PBX1: variants seen among roughly 807,000 people sequenced by gnomAD.
PBX1 encodes pre-B-cell leukemia transcription factor 1.
PBX1 carries 6 observed loss-of-function variants against 53.4 expected under a neutral mutation model. That is an observed-to-expected ratio of 0.11 (90% CI 0.06 to 0.22). The LOEUF (loss-of-function observed/expected upper bound fraction) is 0.22, where lower values mean the gene tolerates loss of function less well. PBX1 is among the 10% of genes least tolerant of loss of function. The pLI is 1.00. For synonymous variants in PBX1, 204 were observed against 212.3 expected, an observed-to-expected ratio of 0.96 and a Z score of 0.34; for missense variants, 251 against 551.4, an observed-to-expected ratio of 0.46 and a Z score of 5.46.
chr1:164,823,784 AT>A (rs546034359), intron 8 of PBX1, among the ~76,000 whole-genome samples: 5 of 151,702 alleles, frequency 3.3e-5, no homozygotes, highest in East Asian at 1.9e-4. Context: ...CTTTGCATTA[AT>A]TTTTTTTTCC....
intron 6 of PBX1, chr1:164,819,748 G>C (rs901997749): frequency 4.9e-6 from 1 of 204,560 alleles, no homozygotes; most frequent in African/African-American, 2.3e-5. Flanking sequence ...GCATAGAAGA[G>C]AGATCCTAGG....
chr1:164,883,190 G>A (rs1672702422), intron 2 of PBX1, among the ~76,000 whole-genome samples: 1 of 152,104 alleles, frequency 6.6e-6, no homozygotes, highest in Non-Finnish European at 1.5e-5. Context: ...GAAAGTTGAG[G>A]CCATCAGTGT....
intron 2 of PBX1, among the ~76,000 whole-genome samples, chr1:164,868,748 C>T (rs11804230): frequency 0.016 from 2,429 of 152,248 alleles, 27 homozygotes; most frequent in Non-Finnish European, 0.022. Flanking sequence ...TAGCAGTCTG[C>T]GAGCCTGGCA....
chr1:164,873,603 G>C (rs530257310), intron 2 of PBX1, among the ~76,000 whole-genome samples: 2 of 152,286 alleles, frequency 1.3e-5, no homozygotes, highest in South Asian at 2.1e-4. Flanking sequence ...TGGGAGATGG[G>C]GGGCAGGGGT....
intron 8 of PBX1, among the ~76,000 whole-genome samples, chr1:164,831,703 C>T (rs972106088): frequency 2.0e-5 from 3 of 152,126 alleles, no homozygotes; most frequent in Non-Finnish European, 4.4e-5. Context: ...ATATAAATTT[C>T]CTACCCTTTG....
At chr1:164,731,984 A>G (rs1404377225) in intron 2 of PBX1, among the ~76,000 whole-genome samples, 1 of 152,144 alleles carries the variant, frequency 6.6e-6, no homozygotes, top group African/African-American at 2.4e-5. Context: ...ACTACCAGGC[A>G]CTTTCCTACA....
In PBX1 at chr1:164,792,627, G is replaced by A. The variant is rs1558010796; in HGVS notation, c.399G>A (p.Ala133=). The change falls in exon 3 of 9, where the codon GCG becomes GCA. Residue 133 remains alanine (A), a synonymous_variant. Transcript: ENST00000420696. ...GGTCGGCGGCAGCGGCGGCAGCGGC[G>A]GCGGCTTCTGGAGGGGCAGGTTCAG... ...GGGSAAAAAA[A]AASGGAGSDN... 3.1e-6 allele frequency: 5 copies of A among 1,613,728 alleles called. No homozygotes were observed. The South Asian group carries it at 3.3e-5, about 11-fold the overall frequency.
At chr1:164,765,430 C>G (rs1667013910) in intron 2 of PBX1, among the ~76,000 whole-genome samples, 1 of 152,158 alleles carries the variant, frequency 6.6e-6, no homozygotes, top group Admixed American at 6.5e-5. Context: ...TTGGCTTCAT[C>G]AATGAAGATG....
intron 4 of PBX1, among the ~76,000 whole-genome samples, chr1:164,807,025 G>A (rs1168090022): frequency 6.6e-6 from 1 of 152,186 alleles, no homozygotes; most frequent in African/African-American, 2.4e-5. Context: ...TTGGGAGGCT[G>A]AGGCAGGCAG....
At chr1:164,585,820 T>C (rs777135111) in intron 2 of PBX1, among the ~76,000 whole-genome samples, 1 of 152,248 alleles carries the variant, frequency 6.6e-6, no homozygotes, top group Non-Finnish European at 1.5e-5. Context: ...AAACTTTTTC[T>C]TTACATCCAA....
chr1:164,681,883 C>T (rs113464985), intron 2 of PBX1, among the ~76,000 whole-genome samples: 43 of 152,154 alleles, frequency 2.8e-4, no homozygotes, highest in Non-Finnish European at 5.6e-4. Flanking sequence ...TATTTGGTCC[C>T]GGGAACTCAA....
intron 2 of PBX1, among the ~76,000 whole-genome samples, chr1:164,870,370 G>GTTTCTT (rs1672354137): frequency 8.3e-6 from 1 of 120,738 alleles, no homozygotes; most frequent in Non-Finnish European, 1.7e-5. Context: ...TCGAGATGAA[G>GTTTCTT]TCTTGCTCTG....
intron 2 of PBX1, among the ~76,000 whole-genome samples, chr1:164,713,070 A>C (rs904588233): frequency 6.6e-6 from 1 of 152,180 alleles, no homozygotes; most frequent in African/African-American, 2.4e-5. Flanking sequence ...CAGTCTCCTT[A>C]CATTGATTGA....
intron 2 of PBX1, among the ~76,000 whole-genome samples, chr1:164,665,255 A>G (rs1660740844): frequency 6.6e-6 from 1 of 152,176 alleles, no homozygotes; most frequent in African/African-American, 2.4e-5. Flanking sequence ...TTATTTAAAA[A>G]TTTATTAAAA....
intron 2 of PBX1, among the ~76,000 whole-genome samples, chr1:164,724,016 T>C (rs2102115067): frequency 6.6e-6 from 1 of 152,322 alleles, no homozygotes; most frequent in East Asian, 1.9e-4. Context: ...TGAACACGTA[T>C]GCTTACCAGA....
rs191648158 is a variant in PBX1, at chr1:164,767,539, C to T, written c.266-24955C>T. On this transcript the variant is annotated intron_variant, in intron 2 of 8. Coordinates refer to ENST00000420696, the MANE Select transcript of PBX1 (RefSeq NM_002585.4). ...GCACTCTACTCCTAAGTACCAGGAA[C>T]GTGTTAACTCTCAGTTGCACAAGGA... 5.9e-5 allele frequency among the ~76,000 whole-genome samples: 9 copies of T among 151,930 alleles called. No homozygotes were observed. The East Asian group carries it at 7.7e-4, about 13-fold the overall frequency.
At chr1:164,784,562 A>G (rs1234556211) in intron 2 of PBX1, among the ~76,000 whole-genome samples, 1 of 152,178 alleles carries the variant, frequency 6.6e-6, no homozygotes, top group Non-Finnish European at 1.5e-5. Flanking sequence ...ACATAAACAA[A>G]CAAACAAAAA....
At chr1:164,666,910 G>A (rs370459740) in intron 2 of PBX1, among the ~76,000 whole-genome samples, 3 of 152,094 alleles carry the variant, frequency 2.0e-5, no homozygotes, top group East Asian at 1.9e-4. Context: ...ATGATTCTCC[G>A]TTTCTCAGAT....
intron 2 of PBX1, among the ~76,000 whole-genome samples, chr1:164,582,068 A>T (rs1654650489): frequency 6.6e-6 from 1 of 152,252 alleles, no homozygotes; most frequent in Non-Finnish European, 1.5e-5. Flanking sequence ...TAAATAAATG[A>T]GGAAATTAGA....
Sources: allele counts gnomAD v4.1 joint callset (sites outside exome capture counted in the v4.1 genomes callset), GRCh38; gene constraint gnomAD v4.1.1; transcripts MANE v1.5; gene names NCBI Gene and HGNC (gene_info 2026-07-23, HGNC 2026-07-21).